Variants in PTPRD observed in about 807,000 individuals in gnomAD.
PTPRD encodes the protein receptor-type tyrosine-protein phosphatase delta.
PTPRD carries 34 observed loss-of-function variants against 214.5 expected under a neutral mutation model. That is an observed-to-expected ratio of 0.16 (90% CI 0.12 to 0.21). PTPRD has a LOEUF of 0.21. Ranked by LOEUF, PTPRD falls within the 10% of genes least tolerant of loss-of-function variation. PTPRD has a pLI of 1.00. For synonymous variants in PTPRD, 1,128 were observed against 845.7 expected (o/e 1.33, Z -5.79); for missense variants, 2,545 against 2,398.7 (o/e 1.06, Z -1.27).
intron 11 of PTPRD, among the ~76,000 whole-genome samples, chr9:8,938,333 C>T (rs190520705): frequency 3.9e-5 from 6 of 152,054 alleles, no homozygotes; most frequent in Non-Finnish European, 7.4e-5. Flanking sequence ...CACAAGATGA[C>T]AGAAATGAAT....
At chr9:9,946,928 T>G (rs2092641919) in intron 4 of PTPRD, among the ~76,000 whole-genome samples, 1 of 152,004 alleles carries the variant, frequency 6.6e-6, no homozygotes. Flanking sequence ...ATTTTTACAA[T>G]GCAAATGACA....
chr9:9,052,616 T>C (rs1310523549), intron 10 of PTPRD, among the ~76,000 whole-genome samples: 1 of 152,166 alleles, frequency 6.6e-6, no homozygotes, highest in Non-Finnish European at 1.5e-5. Context: ...TTATAAGGCC[T>C]GGACTTGAAC....
rs543260820 is a variant in PTPRD, at chr9:10,037,496, C to T, written c.-544-3706G>A. Among the ~76,000 whole-genome samples the T allele has an allele frequency of 2.7e-5, 4 of 147,744 alleles. No homozygotes were observed. In the East Asian group the frequency reaches 8.2e-4, roughly 30 times the overall value. On this transcript the variant is annotated intron_variant, in intron 3 of 45. Coordinates refer to ENST00000381196, the MANE Select transcript of PTPRD (RefSeq NM_002839.4). ...GCTCCCTGAGGGCTCCCCAGCCATGCTTTGGTATATTGTGGAAATGTAAAC... is the reference window on the plus strand; with the variant it reads ...GCTCCCTGAGGGCTCCCCAGCCATGTTTTGGTATATTGTGGAAATGTAAAC...
chr9:8,370,607 C>A (rs1336161906), intron 39 of PTPRD, among the ~76,000 whole-genome samples: 1 of 151,966 alleles, frequency 6.6e-6, no homozygotes, highest in Non-Finnish European at 1.5e-5. Context: ...CTAGCAATTG[C>A]CTTTGATTTA....
intron 14 of PTPRD, among the ~76,000 whole-genome samples, chr9:8,532,822 A>C (rs1366684106): frequency 6.6e-6 from 1 of 152,062 alleles, no homozygotes. Flanking sequence ...GCTATAATAG[A>C]CCTGGAAATA....
intron 8 of PTPRD, among the ~76,000 whole-genome samples, chr9:9,450,757 GT>G (rs1286058105): frequency 1.5e-4 from 21 of 135,680 alleles, no homozygotes; most frequent in South Asian, 9.3e-4. Context: ...ATGGGGGGGG[GT>G]GTGTGTGTCC....
At chr9:8,591,352 T>G (rs58014192) in intron 14 of PTPRD, among the ~76,000 whole-genome samples, 3,298 of 152,206 alleles carry the variant, frequency 0.022, 133 homozygotes, top group East Asian at 0.093. Context: ...AAAATCATAT[T>G]TTGCTCCTGC....
chr9:8,862,775 TG>T (rs1210949823), intron 11 of PTPRD, among the ~76,000 whole-genome samples: 1 of 152,190 alleles, frequency 6.6e-6, no homozygotes, highest in Non-Finnish European at 1.5e-5. Flanking sequence ...CACATCTTCA[TG>T]GATGAAATTG....
chr9:9,564,133 C>G (rs1237832502), intron 8 of PTPRD, among the ~76,000 whole-genome samples: 1 of 152,048 alleles, frequency 6.6e-6, no homozygotes, highest in Non-Finnish European at 1.5e-5. Context: ...AGTATGTCAG[C>G]CAAAGAGGCT....
chr9:9,687,479 T>C (rs557229918), intron 7 of PTPRD, among the ~76,000 whole-genome samples: 2 of 151,932 alleles, frequency 1.3e-5, no homozygotes, highest in Admixed American at 6.6e-5. Flanking sequence ...ACACCAGTTA[T>C]GTTTTCTCTA....
rs186143563 is a variant in PTPRD at position 10,420,561 on chromosome 9, G to C, written c.-599-79544C>G. Reference sequence around the variant, plus strand: ...TCCTTTAAGGTACAAACGACGGGGGGGCTGAAGCAGATTAAAGGGCCAGGA... The same window carrying C: ...TCCTTTAAGGTACAAACGACGGGGGCGCTGAAGCAGATTAAAGGGCCAGGA... On this transcript the variant is annotated intron_variant, in intron 2 of 45. Transcript: ENST00000381196. Among the ~76,000 whole-genome samples the C allele has an allele frequency of 4.5e-4, 68 of 151,804 alleles. 2 individuals carry two copies. The East Asian group carries it at 9.0e-3, about 20-fold the overall frequency.
intron 10 of PTPRD, among the ~76,000 whole-genome samples, chr9:9,164,850 TAA>T (rs1356375454): frequency 3.4e-5 from 5 of 146,896 alleles, no homozygotes; most frequent in African/African-American, 1.0e-4. Flanking sequence ...CTGTCTCTAC[TAA>T]AACAAAACAA....
chr9:9,644,267 G>A lies in PTPRD; in HGVS notation c.-286-69486C>T, dbSNP rs562943653. Among the ~76,000 whole-genome samples, 23 of 152,222 alleles carry A rather than the reference G, an allele frequency of 1.5e-4. No homozygotes were observed. In the South Asian group the frequency reaches 4.6e-3, roughly 30 times the overall value. On this transcript the variant is annotated intron_variant, in intron 7 of 45. Coordinates refer to ENST00000381196, the MANE Select transcript of PTPRD (RefSeq NM_002839.4). ...AAATGGGGAGGTTTCAAGTGGTGAG[G>A]GCAGGCTGGAACTGGGAGGGGAAGA...
At chr9:8,392,736 T>C (rs2090010711) in intron 36 of PTPRD, among the ~76,000 whole-genome samples, 1 of 152,100 alleles carries the variant, frequency 6.6e-6, no homozygotes, top group Admixed American at 6.5e-5. Context: ...TGAAAAGACA[T>C]TTCAGGTAAG....
At position 9,775,419 on chromosome 9, in the gene PTPRD, T is replaced by G. The variant is rs532963878; in HGVS notation, c.-367-8568A>C. 3.3e-5 allele frequency among the ~76,000 whole-genome samples: 5 copies of G among 152,320 alleles called. No individual in the cohort carries two copies. The South Asian group carries it at 8.3e-4, about 25-fold the overall frequency. On this transcript the variant is annotated intron_variant, in intron 5 of 45. Coordinates refer to ENST00000381196, the MANE Select transcript of PTPRD (RefSeq NM_002839.4). Reference sequence around the variant, plus strand: ...CCATCTTTGGGCAAGTTATTTAACCTGTTTGACCTCATTTCCCTCATCATA... The same window carrying G: ...CCATCTTTGGGCAAGTTATTTAACCGGTTTGACCTCATTTCCCTCATCATA...
intron 7 of PTPRD, among the ~76,000 whole-genome samples, chr9:9,633,795 T>C (rs2095667545): frequency 6.6e-6 from 1 of 152,150 alleles, no homozygotes; most frequent in South Asian, 2.1e-4. Context: ...GCTTAAAATT[T>C]AGAAAGTTTT....
intron 15 of PTPRD, 29 bp from the exon 16 acceptor site, chr9:8,527,382 G>C (rs2074457714): frequency 1.2e-6 from 2 of 1,601,184 alleles, no homozygotes; most frequent in Non-Finnish European, 1.7e-6. Flanking sequence ...AGAGAAGAAA[G>C]ACAGCATAAA....
At chr9:9,491,144 G>T (rs1589757309) in intron 8 of PTPRD, among the ~76,000 whole-genome samples, 2 of 151,900 alleles carry the variant, frequency 1.3e-5, no homozygotes, top group South Asian at 4.2e-4. Context: ...AGAGCAGGGG[G>T]TGGCTGCACA....
intron 5 of PTPRD, among the ~76,000 whole-genome samples, chr9:9,893,583 C>G (rs10978069): frequency 4.6e-5 from 7 of 152,054 alleles, no homozygotes; most frequent in Admixed American, 2.0e-4. Context: ...AACTGAATAG[C>G]TAGTATTGAA....
Sources: allele counts gnomAD v4.1 joint callset (sites outside exome capture counted in the v4.1 genomes callset), GRCh38; gene constraint gnomAD v4.1.1; transcripts MANE v1.5; gene names NCBI Gene and HGNC (gene_info 2026-07-23, HGNC 2026-07-21).